ARHGAP32: variants seen among roughly 807,000 people sequenced by gnomAD.
The protein encoded by ARHGAP32 is Rho GTPase activating protein 32, also known as rho GTPase-activating protein 32.
ARHGAP32 carries 51 observed loss-of-function variants against 186.5 expected under a neutral mutation model. The ratio of observed to expected loss-of-function variants is 0.27; its 90% CI spans 0.22 to 0.35. The LOEUF (loss-of-function observed/expected upper bound fraction) is 0.35, where lower values mean the gene tolerates loss of function less well. ARHGAP32 is among the 10% of genes least tolerant of loss of function. The pLI, the probability that ARHGAP32 is intolerant of heterozygous loss-of-function variation, is 1.00. For synonymous variants in ARHGAP32, 950 were observed against 964.3 expected, an observed-to-expected ratio of 0.99 and a Z score of 0.27; for missense variants, 2,186 against 2,623.5, an observed-to-expected ratio of 0.83 and a Z score of 3.64.
At chr11:129,222,767 G>A (rs1287801806) in intron 1 of ARHGAP32, among the ~76,000 whole-genome samples, 1 of 152,112 alleles carries the variant, frequency 6.6e-6, no homozygotes, top group African/African-American at 2.4e-5. Context: ...CAATCTAATA[G>A]TGCAATACTT....
At chr11:129,148,395 A>C (rs1161327740) in intron 2 of ARHGAP32, among the ~76,000 whole-genome samples, 2 of 152,188 alleles carry the variant, frequency 1.3e-5, no homozygotes, top group African/African-American at 2.4e-5. Context: ...GAGCTTAAAC[A>C]AATTTAAGGA....
chr11:129,166,478 C>T (rs1488611243), intron 1 of ARHGAP32, among the ~76,000 whole-genome samples: 4 of 151,206 alleles, frequency 2.6e-5, no homozygotes, highest in African/African-American at 2.4e-5. Context: ...CTGCTAAAAA[C>T]CAAACACAAA....
At chr11:129,143,790 T>C (rs530879200) in intron 2 of ARHGAP32, among the ~76,000 whole-genome samples, 1 of 152,336 alleles carries the variant, frequency 6.6e-6, no homozygotes, top group East Asian at 1.9e-4. Context: ...TCCATGAAAC[T>C]GTGAACAGTA....
At chr11:129,019,034 C>T (rs1938483741) in intron 11 of ARHGAP32, among the ~76,000 whole-genome samples, 1 of 152,068 alleles carries the variant, frequency 6.6e-6, no homozygotes, top group African/African-American at 2.4e-5. Context: ...CAAAAAATAT[C>T]ATTCAAATCA....
intron 6 of ARHGAP32, among the ~76,000 whole-genome samples, chr11:129,084,536 A>G (rs553784694): frequency 6.6e-6 from 1 of 152,316 alleles, no homozygotes; most frequent in South Asian, 2.1e-4. Flanking sequence ...CATCACATAA[A>G]CAGGCTAAAG....
rs1945215864 is a variant in ARHGAP32 at position 128,966,072 on chromosome 11, G to T, written c.*2835C>A. On this transcript the variant is annotated 3_prime_UTR_variant, in exon 23 of 23. Coordinates refer to ENST00000682385, the MANE Select transcript of ARHGAP32 (RefSeq NM_001378024.1). ...CAATGAAATTTATTAATAAGAAAAT[G>T]GCACCTCTGGGATTGTTAGCAAAAT... 1 of 152,162 alleles carries T rather than the reference G, an allele frequency of 6.6e-6. No individual in the cohort carries two copies. The highest frequency in any genetic ancestry group is 2.4e-5 in the African/African-American group (1 of 41,436). The allele number at this position is 152,162 out of a possible 1,614,324, so 9.4% of individuals were successfully genotyped here.
rs1945324298 is a variant in ARHGAP32 at position 128,970,231 on chromosome 11, T to C, written c.4982A>G (p.His1661Arg). 6.2e-7 allele frequency: 1 copy of C among 1,614,200 alleles called. No individual in the cohort carries two copies. Among genetic ancestry groups the C allele is most frequent in the Non-Finnish European group, 8.5e-7 (1 of 1,180,038 alleles). The change falls in exon 23 of 23, where the codon CAC becomes CGC. Residue 1661 changes from histidine to arginine, a missense_variant. Around this residue, in one of 5 missense-constraint regions of ARHGAP32, gnomAD observed 1,502 missense variants for 1,570.0 expected, o/e 0.96. Coordinates refer to ENST00000682385, the MANE Select transcript of ARHGAP32 (RefSeq NM_001378024.1). The surrounding 1 kb of genome is among the most constrained non-coding windows in gnomAD (Gnocchi z 5.8). ...ACTGGAATATGGGCTATACCTGTAG[T>C]GGACCCGGCCATTCTCAAAGTAAGG... Reference protein sequence around the residue: ...LQPYFENGRVHYRYSPYSSSS... With the variant: ...LQPYFENGRVRYRYSPYSSSS...
intron 1 of ARHGAP32, among the ~76,000 whole-genome samples, chr11:129,218,891 G>A (rs548229681): frequency 6.6e-6 from 1 of 152,286 alleles, no homozygotes; most frequent in East Asian, 1.9e-4. Context: ...GGGAGTGCGG[G>A]TGAGAAGAAC....
At chr11:129,261,291 A>G (rs1201741497) in intron 1 of ARHGAP32, among the ~76,000 whole-genome samples, 2 of 152,218 alleles carry the variant, frequency 1.3e-5, no homozygotes, top group African/African-American at 2.4e-5. Context: ...ACATAAAATC[A>G]AGTAACTCAG....
Position 128,970,831 on chromosome 11 carries a change from G to A in ARHGAP32, c.4382C>T (p.Ser1461Leu). 6.2e-7 allele frequency: 1 copy of A among 1,614,248 alleles called. No individual in the cohort carries two copies. Among genetic ancestry groups the A allele is most frequent in the Non-Finnish European group, 8.5e-7 (1 of 1,180,038 alleles). ...SSNYHSFVTA[S>L]STSVDDALPL... ...CAATGCATCGTCCACAGAGGTGGAT[G>A]AAGCAGTGACAAAGGAATGATAATT... is the stretch of plus-strand genomic sequence containing the variant. The change falls in exon 23 of 23, where the codon TCA (serine) becomes TTA (leucine). Residue 1461 changes from serine (S) to leucine (L), a missense_variant. Physicochemically the swap from Ser to Leu is moderately radical, Grantham distance 145. Coordinates refer to ENST00000682385, the MANE Select transcript of ARHGAP32 (RefSeq NM_001378024.1). The surrounding 1 kb of genome is among the most constrained non-coding windows in gnomAD (Gnocchi z 5.8).
chr11:129,047,171 A>G (rs2135057241), intron 10 of ARHGAP32, among the ~76,000 whole-genome samples: 1 of 152,216 alleles, frequency 6.6e-6, no homozygotes, highest in African/African-American at 2.4e-5. Flanking sequence ...TTATTTATTT[A>G]ATTTATGGCT....
chr11:129,014,985 G>T (rs1007926118), intron 11 of ARHGAP32, among the ~76,000 whole-genome samples: 1 of 151,884 alleles, frequency 6.6e-6, no homozygotes. Context: ...TTTAAAGCAC[G>T]ACAATATATC....
rs370519671 is a variant in ARHGAP32, at chr11:129,266,217, T to C, written c.-5+12929A>G. On this transcript the variant is annotated intron_variant, in intron 1 of 6. Coordinates refer to the ARHGAP32 transcript ENST00000525234. ...GGAGTTCTAGTTTCAACTGGCCTAC[T>C]TGAGTAAGAAAATGTCACTAGATAA... Among the ~76,000 whole-genome samples, 31 of 152,274 alleles carry C rather than the reference T, an allele frequency of 2.0e-4. No homozygotes were observed. The East Asian group carries it at 6.0e-3, about 29-fold the overall frequency.
intron 1 of ARHGAP32, among the ~76,000 whole-genome samples, chr11:129,165,535 C>G (rs567518280): frequency 1.3e-5 from 2 of 148,346 alleles, no homozygotes; most frequent in Non-Finnish European, 3.0e-5. Context: ...AGACTCTCTG[C>G]AAATCTTTCG....
chr11:129,080,039 C>T (rs573603408), intron 6 of ARHGAP32, among the ~76,000 whole-genome samples: 1 of 152,056 alleles, frequency 6.6e-6, no homozygotes, highest in South Asian at 2.1e-4. Context: ...AGGACTAATC[C>T]AACAGGAAAA....
intron 2 of ARHGAP32, among the ~76,000 whole-genome samples, chr11:129,131,293 T>TA (rs1308447885): frequency 5.3e-5 from 8 of 152,152 alleles, no homozygotes; most frequent in Admixed American, 3.3e-4. Flanking sequence ...GTGTGTGTGT[T>TA]AAACTTCAAT....
At position 128,966,038 on chromosome 11, in the gene ARHGAP32, A is replaced by G. The variant is rs150110213; in HGVS notation, c.*2869T>C. 314 of 152,348 alleles carry G rather than the reference A, an allele frequency of 2.1e-3. 1 individual carries two copies. The highest frequency in any genetic ancestry group is 7.0e-3 in the African/African-American group (292 of 41,586). 9.4% of individuals were successfully genotyped at this position (152,348 alleles called of 1,614,324 possible). On this transcript the variant is annotated 3_prime_UTR_variant, in exon 23 of 23. Coordinates refer to ENST00000682385, the MANE Select transcript of ARHGAP32 (RefSeq NM_001378024.1). ...GAAACGAAATTGAATATAGTAAGAA[A>G]TAAGGCTCCAATGAAATTTATTAAT...
intron 1 of ARHGAP32, among the ~76,000 whole-genome samples, chr11:129,264,886 C>T (rs1167236691): frequency 6.6e-6 from 1 of 152,208 alleles, no homozygotes; most frequent in Non-Finnish European, 1.5e-5. Flanking sequence ...TCCTTCAAAT[C>T]TGTGCTCTAA....
chr11:129,080,937 A>G (rs1434792849), intron 6 of ARHGAP32, among the ~76,000 whole-genome samples: 2 of 152,092 alleles, frequency 1.3e-5, no homozygotes, highest in African/African-American at 2.4e-5. Flanking sequence ...AACTAAAACC[A>G]CATAAATAAA....
Sources: gnomAD v4.1 joint callset for allele counts (sites outside exome capture counted in the v4.1 genomes callset) on GRCh38, gnomAD v4.1.1 for gene constraint, gnomAD v4.1.1 regional missense constraint, Gnocchi (gnomAD v3.1) non-coding constraint, MANE v1.5 for transcripts, NCBI Gene and HGNC (gene_info 2026-07-23, HGNC 2026-07-21) for gene names.